The following GJC3 variants were observed in gnomAD, a reference collection of about 807,000 sequenced individuals.
GJC3 encodes gap junction gamma-3 protein.
GJC3 carries 17 observed loss-of-function variants against 19.8 expected under a neutral mutation model. That is an observed-to-expected ratio of 0.86 (90% CI 0.59 to 1.29). The LOEUF (loss-of-function observed/expected upper bound fraction) is 1.29. Among genes scored for constraint, GJC3 ranks in the 50% most tolerant of loss-of-function variants. The pLI, the probability that GJC3 is intolerant of heterozygous loss-of-function variation, is 0.00. For missense variants in GJC3, 317 were observed against 332.5 expected, an observed-to-expected ratio of 0.95 and a Z score of 0.36; for synonymous variants, 140 against 136.5, an observed-to-expected ratio of 1.03 and a Z score of -0.18.
At position 99,923,450 on chromosome 7, in the gene GJC3, A is replaced by C; in HGVS notation, c.*95T>G. ...TCCCAGTTGTCGGTTATGCTGCTAC[A>C]TATGTCACATGTATAGAAAATGGTG... is the stretch of plus-strand genomic sequence containing the variant. On this transcript the variant is annotated 3_prime_UTR_variant, in exon 2 of 2. Transcript: ENST00000312891. The C allele has an allele frequency of 1.3e-6, 1 of 777,804 alleles. No individual in the cohort carries two copies. The highest frequency in any genetic ancestry group is 2.4e-6 in the Non-Finnish European group (1 of 417,636). 48.2% of individuals were successfully genotyped at this position (777,804 alleles called of 1,614,324 possible).
chr7:99,926,411 A>G (rs1370199106), intron 1 of GJC3, among the ~76,000 whole-genome samples: 6 of 152,184 alleles, frequency 3.9e-5, no homozygotes, highest in Admixed American at 3.9e-4. Context: ...AACAACCCAA[A>G]TGTCCTGAAA....
chr7:99,923,884 A>T (rs1371789550), intron 1 of GJC3, among the ~76,000 whole-genome samples: 2 of 152,212 alleles, frequency 1.3e-5, no homozygotes, highest in African/African-American at 4.8e-5. Flanking sequence ...GAGCATCCTA[A>T]TGACATTCAA....
Position 99,929,242 on chromosome 7 carries a change from CT to C in GJC3, c.378del (p.Ala128LeufsTer51). The C allele has an allele frequency of 6.2e-7, 1 of 1,614,218 alleles. No homozygotes were observed. Among genetic ancestry groups the C allele is most frequent in the Non-Finnish European group, 8.5e-7 (1 of 1,180,034 alleles). On this transcript the variant is annotated frameshift_variant, in exon 1 of 2. Transcript: ENST00000312891. LOFTEE classifies it high-confidence loss of function. ...IQGREGNTDV[P>X]GAGSLRLLWA... is the part of the protein sequence containing the mutation. Reference sequence around the variant, plus strand: ...CAGAGCAGCCTGAGGCTTCCAGCCCCTGGGACATCTGTGTTGCCCTCCCGTC... The same window carrying C: ...CAGAGCAGCCTGAGGCTTCCAGCCCCGGGACATCTGTGTTGCCCTCCCGTC...
At chr7:99,925,650 C>A (rs1220594699) in intron 1 of GJC3, among the ~76,000 whole-genome samples, 1 of 152,088 alleles carries the variant, frequency 6.6e-6, no homozygotes, top group Non-Finnish European at 1.5e-5. Flanking sequence ...GTATCTAATA[C>A]CCACAATATA....
Position 99,928,903 on chromosome 7 carries a change from T to G in GJC3, c.718A>C (p.Arg240=). The change falls in exon 1 of 2, where the codon AGA becomes CGA. Residue 240 remains arginine (R), a synonymous_variant. Coordinates refer to ENST00000312891, the MANE Select transcript of GJC3 (RefSeq NM_181538.3). ...AGGCTATCGGTTGCTTTCTTGTGTC[T>G]TCTGGTGCTCTCTGAAGTTAGGAAG... ...KYFLTSESTR[R]HKKATDSLPV... 6.2e-7 allele frequency: 1 copy of G among 1,614,194 alleles called. No homozygotes were observed. The highest frequency in any genetic ancestry group is 8.5e-7 in the Non-Finnish European group (1 of 1,180,026).
At position 99,929,031 on chromosome 7, in the gene GJC3, C is replaced by T; in HGVS notation, c.590G>A (p.Gly197Glu). 2.5e-6 allele frequency: 4 copies of T among 1,614,174 alleles called. No homozygotes were observed. The highest frequency in any genetic ancestry group is 3.4e-6 in the Non-Finnish European group (4 of 1,180,042). The change falls in exon 1 of 2, where the codon GGA becomes GAA. Residue 197 changes from glycine (G) to glutamate (E), a missense_variant. Physicochemically the swap from Gly to Glu is moderately conservative, Grantham distance 98. Coordinates refer to ENST00000312891, the MANE Select transcript of GJC3 (RefSeq NM_181538.3). Reference sequence around the variant, plus strand: ...AAACAAGAGACAGAAACCGCTGACTCCAAACATGGTCTTTAGGAAAATGGT... The same window carrying T: ...AAACAAGAGACAGAAACCGCTGACTTCAAACATGGTCTTTAGGAAAATGGT... ...EKTIFLKTMF[G>E]VSGFCLLFTF...
rs1346417413 is a variant in GJC3 at position 99,923,363 on chromosome 7, T to G, written c.*182A>C. 4.5e-6 allele frequency: 3 copies of G among 660,118 alleles called. No homozygotes were observed. The highest frequency in any genetic ancestry group is 8.3e-6 in the Non-Finnish European group (3 of 362,772). 40.9% of individuals were successfully genotyped at this position (660,118 alleles called of 1,614,324 possible). On this transcript the variant is annotated 3_prime_UTR_variant, in exon 2 of 2. Transcript: ENST00000312891. The stretch of plus-strand genomic sequence containing the variant: ...GCCTCCCTGAGCAATGGTGCAAACA[T>G]GGCTTTTATTAGTCTGGTTAGCTGA...
chr7:99,924,335 T>A (rs1819748553), intron 1 of GJC3, among the ~76,000 whole-genome samples: 1 of 152,178 alleles, frequency 6.6e-6, no homozygotes, highest in Non-Finnish European at 1.5e-5. Context: ...ACGCCTGTAA[T>A]CCCAGCACTT....
At chr7:99,928,787 G>T in intron 1 of GJC3, 53 bp downstream of exon 1, 2 of 1,550,270 alleles carry the variant, frequency 1.3e-6, no homozygotes, top group South Asian at 2.2e-5. Flanking sequence ...GCCCCGGGAG[G>T]AGATCATCAG....
upstream of GJC3, among the ~76,000 whole-genome samples, chr7:99,930,081 C>T (rs1276655288): frequency 6.6e-6 from 1 of 152,220 alleles, no homozygotes; most frequent in Admixed American, 6.5e-5. Context: ...CAAATTAGTG[C>T]TGATGCTGAG....
chr7:99,928,772 G>A (rs1301401056), intron 1 of GJC3, 68 bp downstream of exon 1: 2 of 1,471,780 alleles, frequency 1.4e-6, no homozygotes, highest in Non-Finnish European at 1.9e-6. Context: ...AAAGGTGAGG[G>A]ACCTGCCCCG....
At chr7:99,929,737 C>T (rs1208974070), upstream of GJC3, 6 of 892,830 alleles carry the variant, frequency 6.7e-6, no homozygotes, top group Non-Finnish European at 1.1e-5. Flanking sequence ...TTTTATTCCT[C>T]TCCAAGTATC....
chr7:99,923,482 C>T lies in GJC3; in HGVS notation c.*63G>A. ...ACATGTATAGAAAATGGTGAATAAG[C>T]TCCTCCTTGGACAGGATTTTAAGTA... On this transcript the variant is annotated 3_prime_UTR_variant, in exon 2 of 2. Transcript: ENST00000312891. 1 of 779,178 alleles carries T rather than the reference C, an allele frequency of 1.3e-6. No homozygotes were observed. The highest frequency in any genetic ancestry group is 1.3e-5 in the South Asian group (1 of 74,530). 48.3% of individuals were successfully genotyped at this position (779,178 alleles called of 1,614,324 possible).
intron 1 of GJC3, among the ~76,000 whole-genome samples, chr7:99,926,053 G>A (rs1584282020): frequency 6.6e-6 from 1 of 152,194 alleles, no homozygotes; most frequent in East Asian, 1.9e-4. Flanking sequence ...TAAAACTGGG[G>A]CCAGGTGTGG....
Position 99,929,029 on chromosome 7 carries a change from C to T in GJC3, c.592G>A (p.Val198Ile). 6.2e-7 allele frequency: 1 copy of T among 1,614,206 alleles called. No homozygotes were observed. The highest frequency in any genetic ancestry group is 2.2e-5 in the East Asian group (1 of 44,890). The stretch of plus-strand genomic sequence containing the variant: ...GTAAACAAGAGACAGAAACCGCTGA[C>T]TCCAAACATGGTCTTTAGGAAAATG... ...KTIFLKTMFG[V>I]SGFCLLFTFL... The change falls in exon 1 of 2, where the codon GTC becomes ATC. Residue 198 changes from valine (V) to isoleucine (I), a missense_variant. Physicochemically the swap from Val to Ile is conservative, Grantham distance 29. Transcript: ENST00000312891.
At chr7:99,925,254 C>T (rs955486198) in intron 1 of GJC3, among the ~76,000 whole-genome samples, 1 of 151,944 alleles carries the variant, frequency 6.6e-6, no homozygotes, top group Non-Finnish European at 1.5e-5. Context: ...ACCTTGTATA[C>T]CCCATAAATA....
chr7:99,926,176 A>G (rs1285376504), intron 1 of GJC3, among the ~76,000 whole-genome samples: 11 of 152,296 alleles, frequency 7.2e-5, no homozygotes, highest in Middle Eastern at 3.4e-3. Flanking sequence ...TCTACAAAAA[A>G]TACAAAAATT....
At chr7:99,925,985 G>C (rs1819791492) in intron 1 of GJC3, among the ~76,000 whole-genome samples, 1 of 152,212 alleles carries the variant, frequency 6.6e-6, no homozygotes, top group Admixed American at 6.5e-5. Flanking sequence ...TTATGACCCA[G>C]ACATTCTATT....
At chr7:99,927,354 T>C (rs1819824500) in intron 1 of GJC3, among the ~76,000 whole-genome samples, 1 of 152,160 alleles carries the variant, frequency 6.6e-6, no homozygotes, top group Admixed American at 6.5e-5. Flanking sequence ...AATAAAGCTG[T>C]TTTAAAAGGG....
Sources: allele counts gnomAD v4.1 joint callset (sites outside exome capture counted in the v4.1 genomes callset), GRCh38; gene constraint gnomAD v4.1.1; transcripts MANE v1.5; gene names NCBI Gene and HGNC (gene_info 2026-07-23, HGNC 2026-07-21).